Variants in KIAA1217 observed in about 807,000 individuals in gnomAD.
KIAA1217 encodes the protein KIAA1217.
A neutral mutation model predicts 163.9 loss-of-function variants in KIAA1217; 88 were observed. The observed-to-expected ratio is 0.54, with a 90% CI of 0.45 to 0.64. The LOEUF (loss-of-function observed/expected upper bound fraction) is 0.64. KIAA1217 is among the 30% of genes least tolerant of loss of function. The pLI, the probability that KIAA1217 is intolerant of heterozygous loss-of-function variation, is 0.00. For synonymous variants in KIAA1217, 903 were observed against 923.1 expected (o/e 0.98, Z 0.39); for missense variants, 2,372 against 2,475.0 (o/e 0.96, Z 0.88).
intron 10 of KIAA1217, among the ~76,000 whole-genome samples, chr10:24,514,541 A>G (rs940013729): frequency 6.6e-6 from 1 of 152,180 alleles, no homozygotes; most frequent in Non-Finnish European, 1.5e-5. Context: ...CCATATCTCA[A>G]AATAGCTTCC....
chr10:23,933,602 G>A (rs887088587), intron 1 of KIAA1217, among the ~76,000 whole-genome samples: 1 of 152,088 alleles, frequency 6.6e-6, no homozygotes, highest in Non-Finnish European at 1.5e-5. Context: ...CAAGTGAGCA[G>A]GCACCCTACA....
At chr10:23,737,685 GT>G (rs1261978990) in intron 1 of KIAA1217, among the ~76,000 whole-genome samples, 4 of 151,970 alleles carry the variant, frequency 2.6e-5, no homozygotes, top group African/African-American at 9.7e-5. Flanking sequence ...TTTGCTTTCT[GT>G]TTTTCATTCT....
At chr10:23,714,796 G>T (rs1156646440) in intron 1 of KIAA1217, among the ~76,000 whole-genome samples, 1 of 152,070 alleles carries the variant, frequency 6.6e-6, no homozygotes, top group East Asian at 1.9e-4. Flanking sequence ...GTCAATAGAG[G>T]GTGGTTTATT....
At chr10:24,541,959 A>G (rs999198097) in intron 17 of KIAA1217, among the ~76,000 whole-genome samples, 1 of 152,226 alleles carries the variant, frequency 6.6e-6, no homozygotes, top group African/African-American at 2.4e-5. Context: ...TTGAGGTTAT[A>G]TTGTAACAGC....
chr10:24,240,877 G>A lies in KIAA1217; in HGVS notation c.354+20968G>A, dbSNP rs80223699. On this transcript the variant is annotated intron_variant, in intron 2 of 20. Transcript: ENST00000376454. ...AGTCTTTTTTTTTTTAAAAAAAAAA[G>A]ACAGGGTCTCACTCTGCCACCTAGG... is the stretch of plus-strand genomic sequence containing the variant. 6.0e-5 allele frequency among the ~76,000 whole-genome samples: 9 copies of A among 150,036 alleles called. No homozygotes were observed. In the East Asian group the frequency reaches 1.8e-3, roughly 30 times the overall value.
At chr10:23,907,791 T>C (rs1345921293) in intron 1 of KIAA1217, among the ~76,000 whole-genome samples, 1 of 152,114 alleles carries the variant, frequency 6.6e-6, no homozygotes, top group Non-Finnish European at 1.5e-5. Context: ...CATCACTTAA[T>C]CCAGTCAAGT....
intron 2 of KIAA1217, among the ~76,000 whole-genome samples, chr10:24,088,434 A>G (rs1300837032): frequency 1.1e-4 from 10 of 90,484 alleles, no homozygotes; most frequent in African/African-American, 3.1e-4. Context: ...TCCTAATGCT[A>G]TCCCTCCCCC....
chr10:24,020,098 C>G (rs1847669084), intron 2 of KIAA1217, among the ~76,000 whole-genome samples: 1 of 152,066 alleles, frequency 6.6e-6, no homozygotes, highest in South Asian at 2.1e-4. Flanking sequence ...TCAAAAATAA[C>G]CACATATGGT....
At chr10:23,998,391 C>T (rs540092843) in intron 1 of KIAA1217, among the ~76,000 whole-genome samples, 28 of 152,196 alleles carry the variant, frequency 1.8e-4, no homozygotes, top group Non-Finnish European at 4.0e-4. Context: ...CATGCACTTG[C>T]CCCAAGAGAA....
rs1249577055 is a variant in KIAA1217 at position 24,303,941 on chromosome 10, A to T, written c.355-76928A>T. On this transcript the variant is annotated intron_variant, in intron 2 of 20. Transcript: ENST00000376454. ...AAAGACCATTGGAAAGAAATGCTGT[A>T]TGAAACTTTCTGAAAATGGATAGAA... 2.6e-5 allele frequency among the ~76,000 whole-genome samples: 4 copies of T among 152,326 alleles called. No homozygotes were observed. In the South Asian group the frequency reaches 8.3e-4, roughly 32 times the overall value.
chr10:24,263,724 T>A (rs949912010), intron 2 of KIAA1217, among the ~76,000 whole-genome samples: 4 of 152,312 alleles, frequency 2.6e-5, no homozygotes, highest in Admixed American at 6.5e-5. Context: ...TGGGGTTGTG[T>A]CTCTATTTCA....
intron 1 of KIAA1217, among the ~76,000 whole-genome samples, chr10:23,851,143 C>T (rs1839293379): frequency 6.6e-6 from 1 of 152,052 alleles, no homozygotes; most frequent in African/African-American, 2.4e-5. Context: ...AGGTATATCT[C>T]CTAATGCTAT....
chr10:23,951,063 A>G (rs1423871093), intron 1 of KIAA1217, among the ~76,000 whole-genome samples: 1 of 152,174 alleles, frequency 6.6e-6, no homozygotes, highest in Admixed American at 6.5e-5. Context: ...AACAAACAAC[A>G]GGATATTATC....
At chr10:23,952,679 T>A (rs1844394194) in intron 1 of KIAA1217, among the ~76,000 whole-genome samples, 1 of 152,146 alleles carries the variant, frequency 6.6e-6, no homozygotes, top group Non-Finnish European at 1.5e-5. Flanking sequence ...ACCTGTAAAA[T>A]GGGAATGGTA....
At chr10:24,496,930 C>T (rs1433012282) in intron 8 of KIAA1217, among the ~76,000 whole-genome samples, 2 of 152,212 alleles carry the variant, frequency 1.3e-5, no homozygotes, top group Admixed American at 6.5e-5. Flanking sequence ...CCACTGGTGA[C>T]ATGCTGTTAG....
At chr10:23,718,921 A>T (rs551875384) in intron 1 of KIAA1217, among the ~76,000 whole-genome samples, 1 of 152,086 alleles carries the variant, frequency 6.6e-6, no homozygotes, top group East Asian at 1.9e-4. Flanking sequence ...AAAGACAAAG[A>T]CTTCTTTTCA....
chr10:24,455,867 G>T (rs2132429144), intron 5 of KIAA1217, among the ~76,000 whole-genome samples: 1 of 152,278 alleles, frequency 6.6e-6, no homozygotes, highest in African/African-American at 2.4e-5. Context: ...CAATTAATTT[G>T]GGAATAGGAA....
chr10:23,837,476 G>A (rs1252773313), intron 1 of KIAA1217, among the ~76,000 whole-genome samples: 1 of 152,080 alleles, frequency 6.6e-6, no homozygotes, highest in African/African-American at 2.4e-5. Context: ...ACATTCTTTG[G>A]TTTTCACTCA....
In KIAA1217 at chr10:24,209,219, G is replaced by A. The variant is rs750690640; in HGVS notation, c.26G>A (p.Cys9Tyr). The part of the protein sequence containing the change: MEENESQK[C>Y]EPCLPYSADR... ...ATGGAAGAAAATGAAAGCCAGAAATGTGAGCCGTGCCTTCCTTACTCAGCA... is the reference window on the plus strand; with the variant it reads ...ATGGAAGAAAATGAAAGCCAGAAATATGAGCCGTGCCTTCCTTACTCAGCA... Residue 9 changes from cysteine to tyrosine, a missense_variant, in exon 1 of 21, where the codon TGT becomes TAT. Physicochemically the swap from Cys to Tyr is radical, Grantham distance 194 (BLOSUM62 -2). Transcript: ENST00000376454. 2 of 1,613,988 alleles carry A rather than the reference G, an allele frequency of 1.2e-6. No individual in the cohort carries two copies. Among genetic ancestry groups the A allele is most frequent in the South Asian group, 2.2e-5 (2 of 91,068 alleles).
Sources: allele counts gnomAD v4.1 joint callset (sites outside exome capture counted in the v4.1 genomes callset), GRCh38; gene constraint gnomAD v4.1.1; transcripts MANE v1.5; gene names NCBI Gene and HGNC (gene_info 2026-07-23, HGNC 2026-07-21).